GJE1: variants seen among roughly 807,000 people sequenced by gnomAD.
The protein encoded by GJE1 is gap junction epsilon-1 protein.
Under a neutral mutation model 6.2 loss-of-function variants are expected in GJE1, and 9 were observed. The observed-to-expected ratio is 1.45, with a 90% CI of 0.87 to 2.52. The LOEUF is 2.52. Among genes scored for constraint, GJE1 ranks in the 30% most tolerant of loss-of-function variants. GJE1 has a pLI of 0.00. For synonymous variants in GJE1, 65 were observed against 30.1 expected (o/e 2.16, Z -3.80); for missense variants, 190 against 87.7 (o/e 2.17, Z -4.66).
exon 1 of GJE1, chr6:142,133,121 T>G: frequency 1.5e-6 from 1 of 647,902 alleles, no homozygotes. Context: ...GGGTCAAGAA[T>G]TAACCAACAG....
chr6:142,134,055 AAACATT>A lies in GJE1; in HGVS notation c.234+15_234+20del, dbSNP rs761765141. ...CAAGTAAGTTTTTCTGTGTGCACAT[AAACATT>A]AACTCTACAACAAACTCATTTTCTC... On this transcript the variant is annotated intron_variant, in intron 2 of 2. Transcript: ENST00000450456. 26 of 661,676 alleles carry A rather than the reference AAACATT, an allele frequency of 3.9e-5. No homozygotes were observed. In the South Asian group the frequency reaches 4.1e-4, roughly 10 times the overall value. The allele number at this position is 661,676 out of a possible 1,614,324, so 41.0% of individuals were successfully genotyped here.
At chr6:142,134,796 A>G (rs562895686) in exon 3 of GJE1, 83 of 684,774 alleles carry the variant, frequency 1.2e-4, no homozygotes, top group African/African-American at 1.2e-3. Flanking sequence ...GCATGGTTCC[A>G]GAACACTTTG....
At position 142,134,467 on chromosome 6, in the gene GJE1, T is replaced by C. The variant is rs1778209119; in HGVS notation, c.235-72T>C. The C allele has an allele frequency of 1.5e-5, 7 of 459,012 alleles. No homozygotes were observed. In the East Asian group the frequency reaches 2.3e-4, roughly 15 times the overall value. 28.4% of individuals were successfully genotyped at this position (459,012 alleles called of 1,614,324 possible). On this transcript the variant is annotated intron_variant, in intron 2 of 2. Transcript: ENST00000450456. The stretch of plus-strand genomic sequence containing the variant: ...CTCTGTTGAGAGTTAGTGGGGTTTT[T>C]TTAGTGTATTTTAGTTACATATTGA...
Position 142,134,536 on chromosome 6 carries a change from T to C in GJE1, c.235-3T>C. On this transcript the variant is annotated splice_region_variant and splice_polypyrimidine_tract_variant and intron_variant, in intron 2 of 2. Coordinates refer to ENST00000450456, the Ensembl canonical transcript of GJE1. ...TATTTCTGACATACTTTAGGTGTTC[T>C]AGGCATTACAACTAGTTATTGTCCT... The C allele has an allele frequency of 1.8e-6, 1 of 540,826 alleles. No individual in the cohort carries two copies. Among genetic ancestry groups the C allele is most frequent in the Non-Finnish European group, 3.2e-6 (1 of 308,552 alleles). The allele number at this position is 540,826 out of a possible 1,614,324, so 33.5% of individuals were successfully genotyped here.
At chr6:142,134,900 T>C in exon 3 of GJE1, 1 of 581,358 alleles carries the variant, frequency 1.7e-6, no homozygotes, top group Admixed American at 3.3e-5. Context: ...TTTAGAAGAT[T>C]ATACTTTCCA....
intron 2 of GJE1, among the ~76,000 whole-genome samples, chr6:142,134,315 C>A (rs938229468): frequency 2.6e-5 from 4 of 152,090 alleles, no homozygotes; most frequent in Non-Finnish European, 4.4e-5. Context: ...TCATCATTAT[C>A]AGTCATTGAG....
At chr6:142,134,410 A>AT in intron 2 of GJE1, 129 bp from the exon 3 acceptor site, 1 of 450,180 alleles carries the variant, frequency 2.2e-6, no homozygotes, top group Non-Finnish European at 3.9e-6. Flanking sequence ...CACATATAAG[A>AT]TTTTTATGAA....
At chr6:142,135,035 G>T (rs1778226867) in exon 3 of GJE1, 1 of 445,026 alleles carries the variant, frequency 2.2e-6, no homozygotes, top group Non-Finnish European at 4.0e-6. Flanking sequence ...TGAAATTTTT[G>T]TCTACTATAA....
chr6:142,134,033 G>GT lies in GJE1; in HGVS notation c.224dup (p.Ser76LysfsTer24), dbSNP rs1489703221. 2 of 682,830 alleles carry GT rather than the reference G, an allele frequency of 2.9e-6. No individual in the cohort carries two copies. Among genetic ancestry groups the GT allele is most frequent in the South Asian group, 1.5e-5 (1 of 64,762 alleles). The allele number at this position is 682,830 out of a possible 1,614,324, so 42.3% of individuals were successfully genotyped here. On this transcript the variant is annotated frameshift_variant, in exon 2 of 3. Transcript: ENST00000450456. LOFTEE classifies it high-confidence loss of function. ...TCAGTTCAGGCCAATCACTCCACAA[G>GT]TAAGTTTTTCTGTGTGCACATAAAC...
At chr6:142,135,000 C>G in exon 3 of GJE1, 1 of 452,574 alleles carries the variant, frequency 2.2e-6, no homozygotes. Flanking sequence ...AGTACAATTT[C>G]AAAACAAACT....
exon 3 of GJE1, chr6:142,134,717 T>C (rs1314144142): frequency 1.4e-6 from 1 of 690,320 alleles, no homozygotes; most frequent in East Asian, 2.7e-5. Flanking sequence ...ATTTACCTCT[T>C]TGGTTTCCAA....
chr6:142,133,239 T>C (rs1235711279), intron 1 of GJE1, 42 bp downstream of exon 1: 1 of 622,884 alleles, frequency 1.6e-6, no homozygotes, highest in Non-Finnish European at 2.9e-6. Flanking sequence ...ATGAGTCTTT[T>C]CTGAGTATTT....
downstream of GJE1, chr6:142,135,292 C>A (rs1430965233): frequency 6.5e-6 from 1 of 153,482 alleles, no homozygotes; most frequent in African/African-American, 2.4e-5. Flanking sequence ...AAGTCATAAT[C>A]CAGATATTTA....
exon 2 of GJE1, chr6:142,133,905 G>A (rs370409338): frequency 1.9e-5 from 13 of 702,156 alleles, no homozygotes; most frequent in East Asian, 2.7e-5. Flanking sequence ...GGATCGATCC[G>A]AATATTCTTC....
intron 1 of GJE1, 81 bp from the exon 2 acceptor site, chr6:142,133,769 A>T (rs1778191579): frequency 1.9e-6 from 1 of 529,012 alleles, no homozygotes; most frequent in Admixed American, 3.2e-5. Context: ...ACATTTTTTA[A>T]ATGTGATATA....
rs972170959 is a variant in GJE1, at chr6:142,133,777, A to G, written c.40-73A>G. ...GACTCTTACATTTTTTAAATGTGAT[A>G]TAAGGATTTTTTTAAATGTCCTCCT... On this transcript the variant is annotated intron_variant, in intron 1 of 2. Transcript: ENST00000450456. The G allele has an allele frequency of 1.3e-5, 7 of 548,782 alleles. 1 individual carries two copies. The highest frequency in any genetic ancestry group is 8.3e-5 in the South Asian group (3 of 36,228). 34.0% of individuals were successfully genotyped at this position (548,782 alleles called of 1,614,324 possible).
chr6:142,135,197 A>G, downstream of GJE1: 1 of 180,750 alleles, frequency 5.5e-6, no homozygotes, highest in East Asian at 1.4e-4. Context: ...TTAATTGATC[A>G]GTTTTTCTGT....
intron 1 of GJE1, among the ~76,000 whole-genome samples, 157 bp from the exon 2 acceptor site, chr6:142,133,693 T>A (rs1778188629): frequency 2.0e-5 from 3 of 152,224 alleles, no homozygotes. Context: ...AATCTCATAA[T>A]GCAGGAATTA....
chr6:142,134,709 T>C, exon 3 of GJE1: 2 of 692,794 alleles, frequency 2.9e-6, no homozygotes, highest in East Asian at 5.4e-5. Context: ...GGCTTCAGAT[T>C]TACCTCTTTG....
Sources: allele counts gnomAD v4.1 joint callset (sites outside exome capture counted in the v4.1 genomes callset), GRCh38; gene constraint gnomAD v4.1.1; transcripts MANE v1.5; gene names NCBI Gene and HGNC (gene_info 2026-07-23, HGNC 2026-07-21).